SRBD1: variants seen among roughly 807,000 people sequenced by gnomAD.
SRBD1 encodes S1 RNA-binding domain-containing protein 1.
In SRBD1, 88 loss-of-function variants were observed where a neutral mutation model predicts 115.3. That is an observed-to-expected ratio of 0.76 (90% CI 0.64 to 0.91). The LOEUF (loss-of-function observed/expected upper bound fraction) is 0.91, where lower values mean the gene tolerates loss of function less well. Among genes scored for constraint, SRBD1 ranks in the 40% least tolerant of loss-of-function variants. SRBD1 has a pLI of 0.00. For missense variants in SRBD1, 1,385 were observed against 1,177.4 expected (o/e 1.18, Z -2.58); for synonymous variants, 509 against 407.7 (o/e 1.25, Z -2.99).
chr2:45,481,477 A>C (rs1206295200), intron 15 of SRBD1, among the ~76,000 whole-genome samples: 1 of 152,140 alleles, frequency 6.6e-6, no homozygotes, highest in African/African-American at 2.4e-5. Context: ...GAACGTGTAC[A>C]TTTTGAGACA....
chr2:45,552,493 A>C (rs1218639584), intron 11 of SRBD1, among the ~76,000 whole-genome samples: 1 of 152,236 alleles, frequency 6.6e-6, no homozygotes, highest in Non-Finnish European at 1.5e-5. Context: ...AAGCTACTCA[A>C]ATCAAAAATA....
chr2:45,425,063 C>T (rs1668112452), intron 16 of SRBD1, among the ~76,000 whole-genome samples: 1 of 152,042 alleles, frequency 6.6e-6, no homozygotes, highest in Admixed American at 6.6e-5. Context: ...GTACTTAGCC[C>T]CCCTGAGCAT....
At chr2:45,425,534 C>G (rs1164471497) in intron 16 of SRBD1, among the ~76,000 whole-genome samples, 2 of 151,866 alleles carry the variant, frequency 1.3e-5, no homozygotes, top group Non-Finnish European at 2.9e-5. Flanking sequence ...GCAAGATGGC[C>G]GAATAGGAAC....
Position 45,418,620 on chromosome 2 carries a change from ACGACTG to A in SRBD1, c.2157-85_2157-80del, listed in dbSNP as rs1336570774. On this transcript the variant is annotated intron_variant, in intron 17 of 20. Coordinates refer to ENST00000263736, the MANE Select transcript of SRBD1 (RefSeq NM_018079.5). ...GATATAAAACATTTGGATCATAAAA[ACGACTG>A]CAATGACATATCCTCATACGGCTAA... is the stretch of plus-strand genomic sequence containing the variant. 1.1e-5 allele frequency: 14 copies of A among 1,270,250 alleles called. 1 individual carries two copies. The highest frequency in any genetic ancestry group is 1.5e-5 in the Non-Finnish European group (14 of 949,976). The allele number at this position is 1,270,250 out of a possible 1,614,324, so 78.7% of individuals were successfully genotyped here.
chr2:45,414,841 C>T (rs1338523077), intron 18 of SRBD1, among the ~76,000 whole-genome samples: 1 of 146,000 alleles, frequency 6.8e-6, no homozygotes, highest in South Asian at 2.2e-4. Context: ...TATGTACACA[C>T]ACATATAGTG....
At chr2:45,607,227 C>T (rs1355627584) in intron 1 of SRBD1, among the ~76,000 whole-genome samples, 1 of 151,990 alleles carries the variant, frequency 6.6e-6, no homozygotes, top group Non-Finnish European at 1.5e-5. Context: ...TATCTTACCA[C>T]AACAAAATAA....
intron 1 of SRBD1, among the ~76,000 whole-genome samples, chr2:45,605,908 AAAAAAAAAAAAG>A (rs1047477322): frequency 6.6e-6 from 1 of 151,580 alleles, no homozygotes; most frequent in African/African-American, 2.4e-5. Context: ...GGTCTCAAAA[AAAAAAAAAAAAG>A]AAAAAAAAAG....
At chr2:45,419,961 G>C (rs1667948808) in intron 16 of SRBD1, 67 bp from the exon 17 acceptor site, 1 of 1,387,884 alleles carries the variant, frequency 7.2e-7, no homozygotes, top group East Asian at 2.3e-5. Flanking sequence ...CCATTACTCT[G>C]CCTATATTAC....
At chr2:45,476,029 A>G (rs1158819587) in intron 16 of SRBD1, among the ~76,000 whole-genome samples, 1 of 152,204 alleles carries the variant, frequency 6.6e-6, no homozygotes. Flanking sequence ...AGTCATTTCT[A>G]TCTACTTGTA....
At chr2:45,592,729 A>C (rs1223913568) in intron 4 of SRBD1, among the ~76,000 whole-genome samples, 1 of 152,196 alleles carries the variant, frequency 6.6e-6, no homozygotes, top group South Asian at 2.1e-4. Context: ...TCACCTGTTG[A>C]GTCAACCCCC....
At chr2:45,482,042 T>G (rs1022895215) in intron 15 of SRBD1, among the ~76,000 whole-genome samples, 2 of 152,172 alleles carry the variant, frequency 1.3e-5, no homozygotes, top group Admixed American at 1.3e-4. Flanking sequence ...ACGGTGGTGA[T>G]AGTTGTGCAA....
intron 16 of SRBD1, among the ~76,000 whole-genome samples, chr2:45,439,646 G>A (rs2103703213): frequency 6.6e-6 from 1 of 151,800 alleles, no homozygotes; most frequent in East Asian, 1.9e-4. Context: ...GACAAACAAA[G>A]CAAACAGCAA....
chr2:45,445,772 GT>G (rs1394268865), intron 16 of SRBD1, among the ~76,000 whole-genome samples: 3 of 151,932 alleles, frequency 2.0e-5, no homozygotes, highest in Non-Finnish European at 4.4e-5. Flanking sequence ...CCTATGAAAC[GT>G]TTTCATCTCA....
At chr2:45,586,602 G>GT (rs1673530582) in intron 4 of SRBD1, among the ~76,000 whole-genome samples, 2 of 151,808 alleles carry the variant, frequency 1.3e-5, no homozygotes, top group South Asian at 4.1e-4. Context: ...CTGGAGTGCA[G>GT]TGGCACAACT....
chr2:45,571,021 T>C (rs1049052718), intron 9 of SRBD1, among the ~76,000 whole-genome samples: 2 of 151,952 alleles, frequency 1.3e-5, no homozygotes, highest in East Asian at 1.9e-4. Context: ...AATGAGATAT[T>C]TGAGGGAAAA....
At chr2:45,462,350 T>C (rs1389628940) in intron 16 of SRBD1, among the ~76,000 whole-genome samples, 4 of 152,146 alleles carry the variant, frequency 2.6e-5, no homozygotes, top group African/African-American at 9.7e-5. Context: ...AAACACTCAC[T>C]TGCACATCAT....
chr2:45,473,868 C>G (rs1669724751), intron 16 of SRBD1, among the ~76,000 whole-genome samples: 1 of 152,180 alleles, frequency 6.6e-6, no homozygotes, highest in South Asian at 2.1e-4. Flanking sequence ...TTTCCTATTA[C>G]TTCTGTGATT....
intron 4 of SRBD1, among the ~76,000 whole-genome samples, chr2:45,586,255 T>C (rs1673518041): frequency 6.6e-6 from 1 of 152,150 alleles, no homozygotes; most frequent in South Asian, 2.1e-4. Flanking sequence ...CTCTAGAAAA[T>C]ATTATTTATA....
chr2:45,566,028 G>C (rs1287257390), intron 9 of SRBD1, among the ~76,000 whole-genome samples: 5 of 152,328 alleles, frequency 3.3e-5, no homozygotes, highest in Non-Finnish European at 5.9e-5. Flanking sequence ...CATCATTAGA[G>C]AAATGCAAAT....
Sources: allele counts gnomAD v4.1 joint callset (sites outside exome capture counted in the v4.1 genomes callset), GRCh38; gene constraint gnomAD v4.1.1; transcripts MANE v1.5; gene names NCBI Gene and HGNC (gene_info 2026-07-23, HGNC 2026-07-21).